Variants in CLCA4 observed in about 807,000 individuals in gnomAD.
CLCA4 encodes chloride channel accessory 4.
Under a neutral mutation model 78.9 loss-of-function variants are expected in CLCA4, and 69 were observed. The ratio of observed to expected loss-of-function variants is 0.87; its 90% CI spans 0.72 to 1.07. The LOEUF is 1.07. Ranked by LOEUF, CLCA4 falls within the 50% of genes least tolerant of loss-of-function variation. CLCA4 has a pLI of 0.00. For missense variants in CLCA4, 1,133 were observed against 1,095.8 expected (o/e 1.03, Z -0.48); for synonymous variants, 362 against 375.8 (o/e 0.96, Z 0.42).
intron 8 of CLCA4, 85 bp downstream of exon 8, chr1:86,571,339 C>T (rs1339760338): frequency 7.2e-7 from 1 of 1,380,244 alleles, no homozygotes; most frequent in East Asian, 2.4e-5. Context: ...TCTTGAGTTT[C>T]TGCCTTGGAG....
rs1650177977 is a variant in CLCA4 at position 86,565,977 on chromosome 1, A to G, written c.911A>G (p.Gln304Arg). The G allele has an allele frequency of 1.2e-6, 2 of 1,613,116 alleles. No individual in the cohort carries two copies. The highest frequency in any genetic ancestry group is 3.3e-5 in the Admixed American group (2 of 59,950). ...PPVFSLLKIS[Q>R]RIVCLVLDKS... ...GTCTTCTCATTGCTGAAGATCAGTCAAAGAATTGTGTGCTTAGTTCTTGAT... is the reference window on the plus strand; with the variant it reads ...GTCTTCTCATTGCTGAAGATCAGTCGAAGAATTGTGTGCTTAGTTCTTGAT... Residue 304 changes from glutamine to arginine, a missense_variant, in exon 6 of 14, where the codon CAA becomes CGA. Coordinates refer to ENST00000370563, the MANE Select transcript of CLCA4 (RefSeq NM_012128.4).
chr1:86,559,531 T>C (rs563251310), intron 1 of CLCA4, among the ~76,000 whole-genome samples: 3 of 152,332 alleles, frequency 2.0e-5, no homozygotes, highest in African/African-American at 7.2e-5. Context: ...TACTGATAGA[T>C]AGTAATAGTC....
Position 86,580,396 on chromosome 1 carries a change from A to G in CLCA4, c.*51A>G. On this transcript the variant is annotated 3_prime_UTR_variant, in exon 14 of 14. Transcript: ENST00000370563. Reference sequence around the variant, plus strand: ...AGTAGACCTAGAAGAGAGTTTTAAAAAACAAAACAATGTAAGTAAAGGATA... The same window carrying G: ...AGTAGACCTAGAAGAGAGTTTTAAAGAACAAAACAATGTAAGTAAAGGATA... 1 of 1,360,398 alleles carries G rather than the reference A, an allele frequency of 7.4e-7. No individual in the cohort carries two copies. The highest frequency in any genetic ancestry group is 9.9e-7 in the Non-Finnish European group (1 of 1,014,542). The allele number at this position is 1,360,398 out of a possible 1,614,324, so 84.3% of individuals were successfully genotyped here. A position where few individuals can be genotyped will look rare whatever the true frequency, so the allele number is the denominator to read the frequency against.
intron 10 of CLCA4, 68 bp from the exon 11 acceptor site, chr1:86,575,264 T>C: frequency 7.8e-7 from 1 of 1,279,506 alleles, no homozygotes; most frequent in South Asian, 1.4e-5. Context: ...TATTTTAGAA[T>C]TACATAATGG....
Position 86,580,744 on chromosome 1 carries a change from TTGGAAAAA to T in CLCA4, c.*400_*407del, listed in dbSNP as rs1281092135. 2 of 156,924 alleles carry T rather than the reference TTGGAAAAA, an allele frequency of 1.3e-5. No individual in the cohort carries two copies. The highest frequency in any genetic ancestry group is 4.8e-5 in the African/African-American group (2 of 41,586). The allele number at this position is 156,924 out of a possible 1,614,324, so 9.7% of individuals were successfully genotyped here. A position where few individuals can be genotyped will look rare whatever the true frequency, so the allele number is the denominator to read the frequency against. On this transcript the variant is annotated 3_prime_UTR_variant, in exon 14 of 14. Coordinates refer to ENST00000370563, the MANE Select transcript of CLCA4 (RefSeq NM_012128.4). ...GTAAAGGAGAGCAAATAAACAACATTTGGAAAAAAATGAATTTGGTGTTGGTATTATTA... is the reference window on the plus strand; with the variant it reads ...GTAAAGGAGAGCAAATAAACAACATTAATGAATTTGGTGTTGGTATTATTA...
intron 9 of CLCA4, among the ~76,000 whole-genome samples, chr1:86,573,680 T>C (rs2101815309): frequency 6.6e-6 from 1 of 152,146 alleles, no homozygotes; most frequent in East Asian, 1.9e-4. Flanking sequence ...GTGTGAGATA[T>C]AGACTGCTAG....
chr1:86,571,041 A>G (rs1650334901), intron 7 of CLCA4, 36 bp from the exon 8 acceptor site: 1 of 1,506,410 alleles, frequency 6.6e-7, no homozygotes, highest in Non-Finnish European at 9.1e-7. Flanking sequence ...ATCTAGGAAC[A>G]TCTGTTGGTA....
Position 86,560,050 on chromosome 1 carries a change from CA to C in CLCA4, c.282del (p.Lys94AsnfsTer11). On this transcript the variant is annotated frameshift_variant, in exon 2 of 14. Transcript: ENST00000370563. LOFTEE classifies it high-confidence loss of function. ...AAGGAAAATCCTCAGTACAAAAGGC[CA>C]AAACATGAAAACCATAAACATGTAA... ...NWKENPQYKR[P>X]KHENHKHADV... The C allele has an allele frequency of 6.3e-7, 1 of 1,596,260 alleles. No individual in the cohort carries two copies. Among genetic ancestry groups the C allele is most frequent in the Admixed American group, 1.8e-5 (1 of 54,948 alleles).
intron 9 of CLCA4, chr1:86,573,106 A>G (rs1650403314): frequency 8.0e-6 from 2 of 249,040 alleles, no homozygotes; most frequent in Non-Finnish European, 1.6e-5. Context: ...ATATAGATTT[A>G]GAAACATGAA....
At chr1:86,570,972 C>T in intron 7 of CLCA4, 105 bp from the exon 8 acceptor site, 4 of 775,628 alleles carry the variant, frequency 5.2e-6, no homozygotes, top group East Asian at 2.5e-5. Context: ...CTCTTCTATT[C>T]TGCATAACTT....
At chr1:86,547,367 C>A (rs1649535028) in intron 1 of CLCA4, 89 bp downstream of exon 1, 5 of 1,031,988 alleles carry the variant, frequency 4.8e-6, no homozygotes, top group Non-Finnish European at 6.8e-6. Context: ...TTATGGCATA[C>A]AAAGTAGTAT....
At chr1:86,564,824 G>C (rs1312930248) in intron 4 of CLCA4, among the ~76,000 whole-genome samples, 2 of 152,032 alleles carry the variant, frequency 1.3e-5, no homozygotes, top group Non-Finnish European at 1.5e-5. Context: ...TGCTCTTTGA[G>C]TAATAAGAAC....
intron 1 of CLCA4, among the ~76,000 whole-genome samples, chr1:86,557,720 C>T (rs1477074927): frequency 1.3e-5 from 2 of 152,088 alleles, no homozygotes; most frequent in Non-Finnish European, 1.5e-5. Context: ...CTGTATAGGT[C>T]TATCGGATCC....
chr1:86,572,564 T>C (rs1299767840), intron 8 of CLCA4, 50 bp from the exon 9 acceptor site: 1 of 1,057,728 alleles, frequency 9.5e-7, no homozygotes, highest in East Asian at 2.4e-5. Context: ...CACTAAAATA[T>C]ATGTACTTAT....
At chr1:86,555,111 G>A (rs560538442) in intron 1 of CLCA4, among the ~76,000 whole-genome samples, 33 of 151,914 alleles carry the variant, frequency 2.2e-4, no homozygotes, top group Non-Finnish European at 4.1e-4. Flanking sequence ...ATATTAGACC[G>A]GTGTTGGACG....
chr1:86,560,487 A>AG (rs1649985555), intron 3 of CLCA4, 129 bp downstream of exon 3: 1 of 876,312 alleles, frequency 1.1e-6, no homozygotes, highest in Non-Finnish European at 1.7e-6. Context: ...TACTAGCTGT[A>AG]TGTGACCTTA....
At chr1:86,550,768 A>T (rs6669783) in intron 1 of CLCA4, among the ~76,000 whole-genome samples, 71,984 of 151,094 alleles carry the variant, frequency 0.48, 21,246 homozygotes, top group African/African-American at 0.82. Context: ...AAATAAAATT[A>T]AAAAAAAGTG....
chr1:86,553,359 C>A (rs35359391), intron 1 of CLCA4: 7,410 of 559,832 alleles, frequency 0.013, 69 homozygotes, highest in Non-Finnish European at 0.02. Flanking sequence ...TTTGAGAGAA[C>A]GGTTATCTGG....
At chr1:86,569,254 A>C (rs1650282990) in intron 7 of CLCA4, among the ~76,000 whole-genome samples, 1 of 151,998 alleles carries the variant, frequency 6.6e-6, no homozygotes, top group Non-Finnish European at 1.5e-5. Flanking sequence ...CTCTGATTTG[A>C]AGGATGAGAA....
Sources: gnomAD v4.1 joint callset for allele counts (sites outside exome capture counted in the v4.1 genomes callset) on GRCh38, gnomAD v4.1.1 for gene constraint, MANE v1.5 for transcripts, NCBI Gene and HGNC (gene_info 2026-07-23, HGNC 2026-07-21) for gene names.